The following PTPRD variants were observed in gnomAD, a reference collection of about 807,000 sequenced individuals.
PTPRD encodes receptor-type tyrosine-protein phosphatase delta.
A neutral mutation model predicts 214.5 loss-of-function variants in PTPRD; 34 were observed. That is an observed-to-expected ratio of 0.16 (90% CI 0.12 to 0.21). PTPRD has a LOEUF of 0.21. Among genes scored for constraint, PTPRD ranks in the 10% least tolerant of loss-of-function variants. The probability of loss-of-function intolerance (pLI) is 1.00; values close to 1 mark genes in which losing one functional copy is unlikely to be tolerated. For synonymous variants in PTPRD, 1,128 were observed against 845.7 expected (o/e 1.33, Z -5.79); for missense variants, 2,545 against 2,398.7 (o/e 1.06, Z -1.27).
chr9:9,089,419 C>T (rs2099772275), intron 10 of PTPRD, among the ~76,000 whole-genome samples: 1 of 152,096 alleles, frequency 6.6e-6, no homozygotes, highest in African/African-American at 2.4e-5. Context: ...ACAATTGCTC[C>T]CCAGATTCAG....
intron 7 of PTPRD, among the ~76,000 whole-genome samples, chr9:9,631,234 GAA>G (rs797012295): frequency 2.5e-5 from 3 of 118,698 alleles, no homozygotes; most frequent in East Asian, 4.5e-4. Context: ...AAAAGAAAAA[GAA>G]AAAAAAAAAA....
intron 8 of PTPRD, among the ~76,000 whole-genome samples, chr9:9,455,537 T>C (rs2092867486): frequency 1.3e-5 from 2 of 151,664 alleles, no homozygotes; most frequent in Admixed American, 1.3e-4. Context: ...TGGAGTTTAC[T>C]TTTACAAGGC....
chr9:9,716,010 C>G lies in PTPRD; in HGVS notation c.-287+18523G>C, dbSNP rs1051947600. On this transcript the variant is annotated intron_variant, in intron 7 of 45. Coordinates refer to ENST00000381196, the MANE Select transcript of PTPRD (RefSeq NM_002839.4). ...TAAAGCTATCCCTCCCCTCTCCCCC[C>G]ACCCCACAACAGTCCCCAGAGTGTG... Among the ~76,000 whole-genome samples the G allele has an allele frequency of 2.6e-4, 39 of 152,194 alleles. 1 individual carries two copies. The highest frequency in any genetic ancestry group is 8.7e-4 in the African/African-American group (36 of 41,516).
rs189941393 is a variant in PTPRD at position 10,466,491 on chromosome 9, C to T, written c.-599-125474G>A. On this transcript the variant is annotated intron_variant, in intron 2 of 45. Transcript: ENST00000381196. ...ATACAAAATTGACCAGGCGTGGTGGCGCATGCCTGTAATCCCAGCTACTCG... is the reference window on the plus strand; with the variant it reads ...ATACAAAATTGACCAGGCGTGGTGGTGCATGCCTGTAATCCCAGCTACTCG... Among the ~76,000 whole-genome samples, 417 of 151,690 alleles carry T rather than the reference C, an allele frequency of 2.7e-3. 3 individuals carry two copies. The highest frequency in any genetic ancestry group is 9.5e-3 in the African/African-American group (395 of 41,372).
chr9:9,959,016 T>C (rs2094158471), intron 4 of PTPRD, among the ~76,000 whole-genome samples: 1 of 152,194 alleles, frequency 6.6e-6, no homozygotes, highest in African/African-American at 2.4e-5. Flanking sequence ...CCCTGTTGTT[T>C]CTAAAAGTTA....
intron 11 of PTPRD, among the ~76,000 whole-genome samples, chr9:8,790,778 A>AAG (rs2096199156): frequency 6.6e-6 from 1 of 151,236 alleles, no homozygotes; most frequent in Non-Finnish European, 1.5e-5. Flanking sequence ...GAAAAAAAAA[A>AAG]GGGGGTAGTG....
intron 2 of PTPRD, among the ~76,000 whole-genome samples, chr9:10,553,192 C>T (rs962541105): frequency 1.2e-4 from 18 of 152,054 alleles, no homozygotes; most frequent in African/African-American, 4.3e-4. Context: ...ACAGTCCCCA[C>T]CCAGGCAGAA....
intron 10 of PTPRD, among the ~76,000 whole-genome samples, chr9:9,092,691 C>T (rs1317550374): frequency 1.3e-5 from 2 of 152,014 alleles, no homozygotes; most frequent in Non-Finnish European, 2.9e-5. Context: ...GACAATGGAT[C>T]TGAAACCACT....
intron 2 of PTPRD, among the ~76,000 whole-genome samples, chr9:10,493,835 T>C (rs2041166533): frequency 1.3e-5 from 2 of 152,030 alleles, no homozygotes; most frequent in South Asian, 4.1e-4. Context: ...CACACACAAA[T>C]ACACCTTTTA....
chr9:9,363,287 G>C (rs897518440), intron 9 of PTPRD, among the ~76,000 whole-genome samples: 4 of 150,820 alleles, frequency 2.7e-5, no homozygotes, highest in African/African-American at 4.9e-5. Context: ...ATCATAACAA[G>C]TCTTAACATT....
At position 9,340,338 on chromosome 9, in the gene PTPRD, C is replaced by G. The variant is rs145259881; in HGVS notation, c.-203+57111G>C. ...TAATATGAAGTAACCAATTTCTTTT[C>G]TCAGAACACTGAAGATTTGCTTTAG... On this transcript the variant is annotated intron_variant, in intron 9 of 45. Coordinates refer to ENST00000381196, the MANE Select transcript of PTPRD (RefSeq NM_002839.4). Among the ~76,000 whole-genome samples the G allele has an allele frequency of 4.9e-4, 75 of 152,244 alleles. No individual in the cohort carries two copies. In the East Asian group the frequency reaches 6.6e-3, roughly 13 times the overall value.
At chr9:9,750,637 G>C (rs900202277) in intron 6 of PTPRD, among the ~76,000 whole-genome samples, 8 of 152,124 alleles carry the variant, frequency 5.3e-5, no homozygotes, top group African/African-American at 1.9e-4. Context: ...GTGGGTATGT[G>C]TGTGTGTGCA....
chr9:8,624,503 A>T (rs1305268607), intron 14 of PTPRD, among the ~76,000 whole-genome samples: 1 of 151,850 alleles, frequency 6.6e-6, no homozygotes, highest in Non-Finnish European at 1.5e-5. Context: ...GATGCTGGGG[A>T]TTCAGTAGTG....
At chr9:8,570,388 C>T (rs2090758315) in intron 14 of PTPRD, among the ~76,000 whole-genome samples, 1 of 151,996 alleles carries the variant, frequency 6.6e-6, no homozygotes, top group Non-Finnish European at 1.5e-5. Context: ...ATTTCAAAAG[C>T]AACAATTTAA....
At chr9:8,354,431 A>C (rs1026660555) in intron 39 of PTPRD, among the ~76,000 whole-genome samples, 1 of 152,232 alleles carries the variant, frequency 6.6e-6, no homozygotes, top group Non-Finnish European at 1.5e-5. Flanking sequence ...TTTAAATAAT[A>C]GTAATGTTTC....
chr9:9,174,328 C>G (rs1053728699), intron 10 of PTPRD, among the ~76,000 whole-genome samples: 1 of 152,102 alleles, frequency 6.6e-6, no homozygotes, highest in African/African-American at 2.4e-5. Context: ...AAAAAAGGGA[C>G]TTTGAACATA....
intron 7 of PTPRD, among the ~76,000 whole-genome samples, chr9:9,592,746 C>G (rs1471596257): frequency 6.6e-6 from 1 of 151,880 alleles, no homozygotes; most frequent in African/African-American, 2.4e-5. Context: ...ATATCAATAG[C>G]AACAGGATTA....
At chr9:10,177,373 G>A (rs2099255087) in intron 3 of PTPRD, among the ~76,000 whole-genome samples, 1 of 151,596 alleles carries the variant, frequency 6.6e-6, no homozygotes, top group Non-Finnish European at 1.5e-5. Context: ...GAAAACCAAG[G>A]GGCTATAACA....
intron 10 of PTPRD, among the ~76,000 whole-genome samples, chr9:9,175,104 T>C (rs924334167): frequency 3.3e-5 from 5 of 152,128 alleles, no homozygotes; most frequent in Non-Finnish European, 7.4e-5. Context: ...ACTTTGGTCT[T>C]AGACTTTCAG....
Sources: allele counts gnomAD v4.1 joint callset (sites outside exome capture counted in the v4.1 genomes callset), GRCh38; gene constraint gnomAD v4.1.1; transcripts MANE v1.5; gene names NCBI Gene and HGNC (gene_info 2026-07-23, HGNC 2026-07-21).